Variants in TBX3 observed in about 807,000 individuals in gnomAD.
The protein encoded by TBX3 is T-box transcription factor TBX3.
A neutral mutation model predicts 47.8 loss-of-function variants in TBX3; 11 were observed. That is an observed-to-expected ratio of 0.23 (90% CI 0.14 to 0.38). The LOEUF is 0.38. TBX3 is among the 10% of genes least tolerant of loss of function. The probability of loss-of-function intolerance (pLI) is 1.00; values close to 1 mark genes in which losing one functional copy is unlikely to be tolerated. For missense variants in TBX3, 927 were observed against 1,022.8 expected (o/e 0.91, Z 1.28); for synonymous variants, 500 against 449.3 (o/e 1.11, Z -1.43).
At chr12:114,672,348 A>G in intron 6 of TBX3, 46 bp from the exon 7 acceptor site, 1 of 1,448,136 alleles carries the variant, frequency 6.9e-7, no homozygotes. Flanking sequence ...GGGTGGGAGG[A>G]GCTTATCTCA....
intron 2 of TBX3, 57 bp downstream of exon 2, chr12:114,680,822 T>C: frequency 6.2e-7 from 1 of 1,611,112 alleles, no homozygotes; most frequent in Non-Finnish European, 8.5e-7. Flanking sequence ...TGGGAAGCAC[T>C]GCCTTTGACT....
chr12:114,677,788 G>A (rs1868770256), intron 3 of TBX3, 132 bp from the exon 4 acceptor site: 1 of 817,160 alleles, frequency 1.2e-6, no homozygotes, highest in Admixed American at 2.1e-5. Context: ...GCCAGGGAAA[G>A]GAGATAATAA....
chr12:114,682,204 T>C (rs1433854758), intron 1 of TBX3, among the ~76,000 whole-genome samples: 1 of 152,064 alleles, frequency 6.6e-6, no homozygotes, highest in African/African-American at 2.4e-5. Context: ...GCAAACATAA[T>C]CTTAAATTAT....
rs1592848985 is a variant in TBX3, at chr12:114,675,953, T to A, written c.1039+360A>T. ...GTGAAAAGTCAGCAGTTGGAGCCTC[T>A]GTTGGTTGGAGAGAATGGGAGGAGA... On this transcript the variant is annotated intron_variant, in intron 5 of 6. Coordinates refer to ENST00000349155, the MANE Select transcript of TBX3 (RefSeq NM_005996.4). Among the ~76,000 whole-genome samples, 5 of 152,180 alleles carry A rather than the reference T, an allele frequency of 3.3e-5. No homozygotes were observed. The South Asian group carries it at 1.0e-3, about 32-fold the overall frequency.
At chr12:114,682,715 G>A in intron 1 of TBX3, 97 bp downstream of exon 1, 1 of 1,584,062 alleles carries the variant, frequency 6.3e-7, no homozygotes, top group South Asian at 1.1e-5. Context: ...TTTCGTCCAA[G>A]CCGTAATAAC....
At chr12:114,680,055 C>T in intron 2 of TBX3, 1 of 1,418,430 alleles carries the variant, frequency 7.1e-7, no homozygotes, top group Non-Finnish European at 9.9e-7. Flanking sequence ...GAGCCCAATC[C>T]ACTTAAAGCC....
At position 114,682,800 on chromosome 12, in the gene TBX3, C is replaced by T; in HGVS notation, c.389+12G>A. ...CTCCAACAGCTTAGGGGAGGAGGCC[C>T]CCACTGCTTACCTTCCCGACTTGGT... On this transcript the variant is annotated intron_variant, in intron 1 of 6. Transcript: ENST00000349155. The T allele has an allele frequency of 6.2e-7, 1 of 1,614,098 alleles. No individual in the cohort carries two copies. Among genetic ancestry groups the T allele is most frequent in the Non-Finnish European group, 8.5e-7 (1 of 1,180,020 alleles).
chr12:114,672,312 GAA>G lies in TBX3; in HGVS notation c.1711-12_1711-11del. ...GGGACATGGCCAGGCCCTGGGGTGA[GAA>G]AAGAGACACACAGCGAGTCAGCCGG... On this transcript the variant is annotated splice_polypyrimidine_tract_variant and intron_variant, in intron 6 of 6. Coordinates refer to ENST00000349155, the MANE Select transcript of TBX3 (RefSeq NM_005996.4). The G allele has an allele frequency of 6.5e-7, 1 of 1,532,244 alleles. No homozygotes were observed. The highest frequency in any genetic ancestry group is 8.8e-7 in the Non-Finnish European group (1 of 1,142,524). 94.9% of individuals were successfully genotyped at this position (1,532,244 alleles called of 1,614,324 possible).
rs757027087 is a variant in TBX3 at position 114,671,837 on chromosome 12, G to A, written c.*4C>T. ...TGGAATGAAAAGACGTGTCTGGGAC[G>A]GGTCTACGGGGACGCGCTGCGGGAC... On this transcript the variant is annotated 3_prime_UTR_variant, in exon 7 of 7. Transcript: ENST00000349155. 10 of 1,553,466 alleles carry A rather than the reference G, an allele frequency of 6.4e-6. No homozygotes were observed. The highest frequency in any genetic ancestry group is 5.9e-5 in the South Asian group (5 of 84,238).
chr12:114,682,745 G>C, intron 1 of TBX3, 67 bp downstream of exon 1: 1 of 1,611,620 alleles, frequency 6.2e-7, no homozygotes, highest in Non-Finnish European at 8.5e-7. Flanking sequence ...GACTGTTCTG[G>C]GAGCAGAGAA....
At chr12:114,679,867 CA>C in intron 2 of TBX3, 1 of 1,605,438 alleles carries the variant, frequency 6.2e-7, no homozygotes, top group South Asian at 1.1e-5. Flanking sequence ...GGGCCCCCCC[CA>C]CCCTCACCAT....
chr12:114,682,720 A>C, intron 1 of TBX3, 92 bp downstream of exon 1: 1 of 1,596,748 alleles, frequency 6.3e-7, no homozygotes. Flanking sequence ...TCCAAGCCGT[A>C]ATAACCGACC....
rs775079618 is a variant in TBX3 at position 114,671,920 on chromosome 12, G to C, written c.2093C>G (p.Thr698Ser). 6.3e-7 allele frequency: 1 copy of C among 1,586,818 alleles called. No individual in the cohort carries two copies. Among genetic ancestry groups the C allele is most frequent in the South Asian group, 1.2e-5 (1 of 86,878 alleles). Residue 698 changes from threonine (T) to serine (S), a missense_variant, in exon 7 of 7, where the codon ACC becomes AGC. Physicochemically the swap from Thr to Ser is moderately conservative, Grantham distance 58. Transcript: ENST00000349155. Reference sequence around the variant, plus strand: ...CCGCTGGATGCTCTGCAGTTCGCTGGTGGCCGCCTCTTTCTCCGCGCAGAG... The same window carrying C: ...CCGCTGGATGCTCTGCAGTTCGCTGCTGGCCGCCTCTTTCTCCGCGCAGAG... ...PKLCAEKEAA[T>S]SELQSIQRLV...
At chr12:114,682,073 G>A (rs1033709643) in intron 1 of TBX3, among the ~76,000 whole-genome samples, 1 of 152,022 alleles carries the variant, frequency 6.6e-6, no homozygotes, top group Non-Finnish European at 1.5e-5. Flanking sequence ...ACTATTACAG[G>A]ATCTTCTCTT....
At position 114,674,722 on chromosome 12, in the gene TBX3, G is replaced by C. The variant is rs370551433; in HGVS notation, c.1153C>G (p.Arg385Gly). The change falls in exon 6 of 7, where the codon CGT becomes GGT. Residue 385 changes from arginine to glycine, a missense_variant. Arg to Gly is a moderately radical substitution (Grantham distance 125, BLOSUM62 -2). This residue lies in a region of TBX3 where 623 missense variants were observed against 569.0 expected (regional missense o/e 1.09). Transcript: ENST00000349155. The stretch of plus-strand genomic sequence containing the variant: ...TTGACCGCGGGGCTGCCCTTGTCAC[G>C]GCAGGGCTCCTCCGACGTGGTGGTG... ...ISTTTSEEPC[R>G]DKGSPAVKAH... 4.6e-5 allele frequency: 73 copies of C among 1,601,170 alleles called. No homozygotes were observed. The South Asian group carries it at 5.9e-4, about 13-fold the overall frequency.
rs1239752716 is a variant in TBX3 at position 114,671,249 on chromosome 12, CAAG to C, written c.*589_*591del. ...ACCTACAGCGGCTCTGAAAACATCA[CAAG>C]AATATTAAAAAGACACAGATTTTCT... On this transcript the variant is annotated 3_prime_UTR_variant, in exon 7 of 7. Transcript: ENST00000349155. The C allele has an allele frequency of 8.7e-6, 2 of 230,776 alleles. No homozygotes were observed. The highest frequency in any genetic ancestry group is 4.4e-5 in the African/African-American group (2 of 45,022). 14.3% of individuals were successfully genotyped at this position (230,776 alleles called of 1,614,324 possible).
Position 114,674,721 on chromosome 12 carries a change from C to G in TBX3, c.1154G>C (p.Arg385Pro). The change falls in exon 6 of 7, where the codon CGT (arginine) becomes CCT (proline). Residue 385 changes from arginine (R) to proline (P), a missense_variant. Arg to Pro is a moderately radical substitution (Grantham distance 103). This residue lies in a region of TBX3 where 623 missense variants were observed against 569.0 expected (regional missense o/e 1.09). Transcript: ENST00000349155. ...ISTTTSEEPCRDKGSPAVKAH... is the reference protein window; with the variant it reads ...ISTTTSEEPCPDKGSPAVKAH... ...CTTGACCGCGGGGCTGCCCTTGTCACGGCAGGGCTCCTCCGACGTGGTGGT... is the reference window on the plus strand; with the variant it reads ...CTTGACCGCGGGGCTGCCCTTGTCAGGGCAGGGCTCCTCCGACGTGGTGGT... The G allele has an allele frequency of 6.2e-7, 1 of 1,600,990 alleles. No homozygotes were observed. The highest frequency in any genetic ancestry group is 8.5e-7 in the Non-Finnish European group (1 of 1,177,310).
At chr12:114,678,812 G>T (rs146060697) in intron 3 of TBX3, among the ~76,000 whole-genome samples, 6 of 152,248 alleles carry the variant, frequency 3.9e-5, no homozygotes, top group Admixed American at 1.3e-4. Context: ...CTAGATATCA[G>T]GTGCTTTCCC....
chr12:114,678,817 T>C (rs1357393179), intron 3 of TBX3, among the ~76,000 whole-genome samples: 1 of 152,160 alleles, frequency 6.6e-6, no homozygotes, highest in Non-Finnish European at 1.5e-5. Context: ...TATCAGGTGC[T>C]TTCCCTTTTG....
Sources: gnomAD v4.1 joint callset for allele counts (sites outside exome capture counted in the v4.1 genomes callset) on GRCh38, gnomAD v4.1.1 for gene constraint, gnomAD v4.1.1 regional missense constraint, MANE v1.5 for transcripts, NCBI Gene and HGNC (gene_info 2026-07-23, HGNC 2026-07-21) for gene names.